Variants in BTNL9 observed in about 807,000 individuals in gnomAD.
The protein encoded by BTNL9 is butyrophilin like 9.
BTNL9 carries 45 observed loss-of-function variants against 45.8 expected under a neutral mutation model. The observed-to-expected ratio is 0.98, with a 90% CI of 0.77 to 1.26. The LOEUF (loss-of-function observed/expected upper bound fraction) is 1.26. Ranked by LOEUF, BTNL9 falls within the 50% of genes most tolerant of loss-of-function variation. BTNL9 has a pLI of 0.00. For synonymous variants in BTNL9, 346 were observed against 330.8 expected, an observed-to-expected ratio of 1.05 and a Z score of -0.50; for missense variants, 784 against 729.7, an observed-to-expected ratio of 1.07 and a Z score of -0.86.
At chr5:181,040,535 C>A (rs1016361247) in intron 1 of BTNL9, 103 bp downstream of exon 1, 3 of 152,218 alleles carry the variant, frequency 2.0e-5, no homozygotes, top group Non-Finnish European at 4.4e-5. Context: ...ATTAGTGGCA[C>A]CATTTTATTA....
chr5:181,047,815 A>G (rs3822409), intron 2 of BTNL9, 112 bp from the exon 3 acceptor site: 498,972 of 976,880 alleles, frequency 0.51, 129,326 homozygotes, highest in African/African-American at 0.56. Flanking sequence ...AGAGTATCTC[A>G]CCTTTCTTGT....
Position 181,042,808 on chromosome 5 carries a change from G to A in BTNL9, c.-24+2376G>A, listed in dbSNP as rs774377013. On this transcript the variant is annotated intron_variant, in intron 1 of 10. Coordinates refer to ENST00000327705, the MANE Select transcript of BTNL9 (RefSeq NM_152547.5). The surrounding 1 kb of genome is among the most constrained non-coding windows in gnomAD (Gnocchi z 4.5). ...GTGGCTGGCACCGTGTGAGCCGGTC[G>A]CTTCTTCAGTGCCTCTGTGTGATGG... is the stretch of plus-strand genomic sequence containing the variant. 6.6e-5 allele frequency among the ~76,000 whole-genome samples: 10 copies of A among 152,290 alleles called. No homozygotes were observed. Among genetic ancestry groups the A allele is most frequent in the Non-Finnish European group, 1.2e-4 (8 of 68,018 alleles).
At chr5:181,058,436 G>C in intron 10 of BTNL9, 58 bp downstream of exon 10, 1 of 1,611,688 alleles carries the variant, frequency 6.2e-7, no homozygotes, top group Non-Finnish European at 8.5e-7. Flanking sequence ...TAAACAGAAG[G>C]GAGGTGGAGA....
chr5:181,059,328 C>G lies in BTNL9; in HGVS notation c.1074C>G (p.Gly358=). The change falls in exon 11 of 11, where the codon GGC becomes GGG. Residue 358 remains glycine, a synonymous_variant. Transcript: ENST00000327705. ...TGTCTTCCCGCGGGGCGCCGCCAGG[C>G]CCGGCGCCTGGCCACCCGCAGCGGT... ...KSVSSRGAPP[G]PAPGHPQRFS... The G allele has an allele frequency of 6.4e-7, 1 of 1,551,348 alleles. No homozygotes were observed. Among genetic ancestry groups the G allele is most frequent in the Non-Finnish European group, 8.7e-7 (1 of 1,152,612 alleles).
At chr5:181,054,554 T>C (rs986483068) in intron 7 of BTNL9, 2 of 985,330 alleles carry the variant, frequency 2.0e-6, no homozygotes, top group African/African-American at 3.5e-5. Flanking sequence ...AAAATATCCT[T>C]TTCTTTTTAA....
In BTNL9 at chr5:181,060,382, T is replaced by G. The variant is rs1762102227; in HGVS notation, c.*520T>G. Reference sequence around the variant, plus strand: ...GCTGCTTCTGGAGCCGGGGCAAAAATTTCAAGGTGAGCCTGGAGCATTGTG... The same window carrying G: ...GCTGCTTCTGGAGCCGGGGCAAAAAGTTCAAGGTGAGCCTGGAGCATTGTG... On this transcript the variant is annotated 3_prime_UTR_variant, in exon 11 of 11. Coordinates refer to ENST00000327705, the MANE Select transcript of BTNL9 (RefSeq NM_152547.5). The G allele has an allele frequency of 6.6e-6, 1 of 152,404 alleles. No homozygotes were observed. Among genetic ancestry groups the G allele is most frequent in the Non-Finnish European group, 1.5e-5 (1 of 68,294 alleles). 9.4% of individuals were successfully genotyped at this position (152,404 alleles called of 1,614,324 possible). A position where few individuals can be genotyped will look rare whatever the true frequency, so the allele number is the denominator to read the frequency against.
In BTNL9 at chr5:181,060,027, A is replaced by T. The variant is rs1283870537; in HGVS notation, c.*165A>T. 1.5e-6 allele frequency: 1 copy of T among 650,544 alleles called. No individual in the cohort carries two copies. Among genetic ancestry groups the T allele is most frequent in the African/African-American group, 1.8e-5 (1 of 54,618 alleles). The allele number at this position is 650,544 out of a possible 1,614,324, so 40.3% of individuals were successfully genotyped here. A position where few individuals can be genotyped will look rare whatever the true frequency, so the allele number is the denominator to read the frequency against. ...TACGTAGATGTGTATGTGTAGTGCG[A>T]TTTTCTTCAAGGAAAGGAGACAAGT... On this transcript the variant is annotated 3_prime_UTR_variant, in exon 11 of 11. Transcript: ENST00000327705.
At position 181,053,558 on chromosome 5, in the gene BTNL9, A is replaced by G. The variant is rs1031421766; in HGVS notation, c.886+57A>G. 3.3e-5 allele frequency: 52 copies of G among 1,553,536 alleles called. No homozygotes were observed. The highest frequency in any genetic ancestry group is 4.4e-5 in the Non-Finnish European group (51 of 1,148,406). On this transcript the variant is annotated intron_variant, in intron 6 of 10. Transcript: ENST00000327705. The surrounding 1 kb of genome is among the most constrained non-coding windows in gnomAD (Gnocchi z 6.5). ...TGCCCAAGTGCCAAAACCCGCCGTC[A>G]TCTAAAGGCTGTGGGTCCCGTTACG... is the stretch of plus-strand genomic sequence containing the variant.
intron 7 of BTNL9, chr5:181,054,591 C>T (rs989013093): frequency 1.7e-5 from 17 of 985,286 alleles, no homozygotes; most frequent in South Asian, 4.7e-5. Context: ...AAGGGTGGCA[C>T]CTTTAATTTG....
rs895662376 is a variant in BTNL9 at position 181,061,402 on chromosome 5, T to C, written c.*1540T>C. On this transcript the variant is annotated 3_prime_UTR_variant, in exon 11 of 11. Coordinates refer to ENST00000327705, the MANE Select transcript of BTNL9 (RefSeq NM_152547.5). ...AGGATACACCAAAAAACTAAGTGAT[T>C]ATCTTTGGATGGGAAAATGTTTGGT... 6.6e-6 allele frequency: 1 copy of C among 152,244 alleles called. No individual in the cohort carries two copies. Among genetic ancestry groups the C allele is most frequent in the African/African-American group, 2.4e-5 (1 of 41,464 alleles). The allele number at this position is 152,244 out of a possible 1,614,324, so 9.4% of individuals were successfully genotyped here.
Position 181,055,481 on chromosome 5 carries a change from T to C in BTNL9, c.928+28T>C. 1.2e-6 allele frequency: 2 copies of C among 1,613,734 alleles called. No individual in the cohort carries two copies. Among genetic ancestry groups the C allele is most frequent in the Non-Finnish European group, 1.7e-6 (2 of 1,179,750 alleles). ...AAGTGACCCCTCTTAGAACTATTTC[T>C]CCTCAGGGCCGGGTCCAGTGGCTCA... On this transcript the variant is annotated intron_variant, in intron 8 of 10. Coordinates refer to ENST00000327705, the MANE Select transcript of BTNL9 (RefSeq NM_152547.5). The surrounding 1 kb of genome is among the most constrained non-coding windows in gnomAD (Gnocchi z 4.4).
Position 181,047,702 on chromosome 5 carries a change from A to G in BTNL9, c.110-225A>G, listed in dbSNP as rs559090392. On this transcript the variant is annotated intron_variant, in intron 2 of 10. Transcript: ENST00000327705. ...GGATGAAACCAGTTACCAGCTCAGC[A>G]CCACAAATCTGGTTGTGATGTCACC... 8.5e-5 allele frequency among the ~76,000 whole-genome samples: 13 copies of G among 152,352 alleles called. No homozygotes were observed. In the South Asian group the frequency reaches 2.7e-3, roughly 32 times the overall value.
intron 1 of BTNL9, among the ~76,000 whole-genome samples, chr5:181,043,047 T>C (rs977855383): frequency 6.6e-6 from 1 of 152,142 alleles, no homozygotes; most frequent in African/African-American, 2.4e-5. Context: ...GTCACTCAGC[T>C]CCTGGGCCTC....
At chr5:181,045,749 C>A (rs1314730119) in intron 2 of BTNL9, 151 bp downstream of exon 2, 16 of 656,566 alleles carry the variant, frequency 2.4e-5, no homozygotes, top group African/African-American at 5.4e-5. Context: ...GAGCCACTAC[C>A]CCGAGCATTA....
rs1761455901 is a variant in BTNL9, at chr5:181,050,165, T to C, written c.532T>C (p.Trp178Arg). The C allele has an allele frequency of 6.2e-7, 1 of 1,613,978 alleles. No homozygotes were observed. Among genetic ancestry groups the C allele is most frequent in the Non-Finnish European group, 8.5e-7 (1 of 1,180,042 alleles). Residue 178 changes from tryptophan to arginine, a missense_variant, in exon 4 of 11, where the codon TGG (tryptophan) becomes CGG (arginine). Transcript: ENST00000327705. The surrounding 1 kb of genome is among the most constrained non-coding windows in gnomAD (Gnocchi z 4.9). ...GIQLRLRSSG[W>R]YPKPKVQWRD... ...TCAGCTGAGGCTCAGATCCAGTGGC[T>C]GGTACCCCAAGCCTAAGGTTCAGTG...
Position 181,055,323 on chromosome 5 carries a change from T to C in BTNL9, c.908-110T>C. The C allele has an allele frequency of 1.3e-6, 2 of 1,567,646 alleles. No homozygotes were observed. Among genetic ancestry groups the C allele is most frequent in the Admixed American group, 2.0e-5 (1 of 49,260 alleles). The stretch of plus-strand genomic sequence containing the variant: ...AGCTGTAAAAAAAAAAAAATGAAGC[T>C]GTGATTAGCAGTGGCTTAAGACTAA... On this transcript the variant is annotated intron_variant, in intron 7 of 10. Coordinates refer to ENST00000327705, the MANE Select transcript of BTNL9 (RefSeq NM_152547.5). The surrounding 1 kb of genome is among the most constrained non-coding windows in gnomAD (Gnocchi z 4.4).
chr5:181,050,731 C>A lies in BTNL9; in HGVS notation c.736+362C>A, dbSNP rs1282059810. ...TGACCCCAGTCCCTACCCTCAGGTC[C>A]CCATGCCAGTGGGGGATACAGACAA... On this transcript the variant is annotated intron_variant, in intron 4 of 10. Coordinates refer to ENST00000327705, the MANE Select transcript of BTNL9 (RefSeq NM_152547.5). This position sits in a 1 kb window ranked among gnomAD's most constrained non-coding sequence, Gnocchi z 4.9. 2.6e-5 allele frequency among the ~76,000 whole-genome samples: 4 copies of A among 152,154 alleles called. No homozygotes were observed. In the East Asian group the frequency reaches 7.7e-4, roughly 29 times the overall value.
chr5:181,043,895 C>A (rs928236343), intron 1 of BTNL9, among the ~76,000 whole-genome samples: 19 of 152,202 alleles, frequency 1.2e-4, no homozygotes, highest in Non-Finnish European at 2.2e-4. Context: ...GGGCCTGGAC[C>A]CTGCCCGAGG....
chr5:181,043,244 G>A (rs11958283), intron 1 of BTNL9, among the ~76,000 whole-genome samples: 1 of 89,070 alleles, frequency 1.1e-5, no homozygotes, highest in African/African-American at 5.3e-5. Context: ...GTGTGTGTCT[G>A]TGTGTGTGTG....
Sources: gnomAD v4.1 joint callset for allele counts (sites outside exome capture counted in the v4.1 genomes callset) on GRCh38, gnomAD v4.1.1 for gene constraint, Gnocchi (gnomAD v3.1) non-coding constraint, MANE v1.5 for transcripts, NCBI Gene and HGNC (gene_info 2026-07-23, HGNC 2026-07-21) for gene names.